Variants in PCDHA2 observed in about 807,000 individuals in gnomAD.
PCDHA2 encodes the protein protocadherin alpha-2.
In PCDHA2, 58 loss-of-function variants were observed where a neutral mutation model predicts 66.0. The ratio of observed to expected loss-of-function variants is 0.88; its 90% confidence interval spans 0.71 to 1.09. The LOEUF is 1.09. Ranked by LOEUF, PCDHA2 falls within the 50% of genes least tolerant of loss-of-function variation. The pLI is 0.00. For missense variants in PCDHA2, 1,267 were observed against 1,242.3 expected (o/e 1.02, Z -0.30); for synonymous variants, 634 against 554.0 (o/e 1.14, Z -2.03).
chr5:140,840,527 A>G (rs1776748487), intron 1 of PCDHA2, among the ~76,000 whole-genome samples: 1 of 152,080 alleles, frequency 6.6e-6, no homozygotes, highest in African/African-American at 2.4e-5. Context: ...AGAAAGATGA[A>G]GAACTAACAA....
intron 1 of PCDHA2, among the ~76,000 whole-genome samples, chr5:140,902,482 C>T (rs1554190466): frequency 1.3e-5 from 2 of 152,086 alleles, no homozygotes; most frequent in Non-Finnish European, 2.9e-5. Context: ...TTTGCCTGCT[C>T]AGTATGATAC....
rs2126655451 is a variant in PCDHA2, at chr5:140,814,449, CT to C, written c.2388+17109del. 833 of 141,266 alleles carry C rather than the reference CT, an allele frequency of 5.9e-3. 2 individuals are homozygous for C. The highest frequency in any genetic ancestry group is 0.014 in the African/African-American group (566 of 39,162). The allele number at this position is 141,266 out of a possible 1,614,324, so 8.8% of individuals were successfully genotyped here. A position where few individuals can be genotyped will look rare whatever the true frequency, so the allele number is the denominator to read the frequency against. ...AGGCTGTTTTGTGGTGACCTTTTTT[CT>C]TTTTTTTTTTTGAGTTAATGTATTT... On this transcript the variant is annotated intron_variant, in intron 1 of 3. Transcript: ENST00000526136.
intron 1 of PCDHA2, among the ~76,000 whole-genome samples, chr5:140,970,958 C>T (rs1554232904): frequency 6.6e-6 from 1 of 152,106 alleles, no homozygotes; most frequent in Non-Finnish European, 1.5e-5. Context: ...CCATGGGAGG[C>T]AGATTGTAGA....
intron 1 of PCDHA2, chr5:140,969,554 TC>T: frequency 8.2e-7 from 1 of 1,222,072 alleles, no homozygotes; most frequent in Non-Finnish European, 1.1e-6. Context: ...TGAAGCCTTG[TC>T]CATAAAATTG....
rs1554262937 is a variant in PCDHA2 at position 141,010,412 on chromosome 5, G to A, written c.*475G>A. 2.5e-6 allele frequency: 3 copies of A among 1,201,296 alleles called. No homozygotes were observed. Among genetic ancestry groups the A allele is most frequent in the Non-Finnish European group, 3.4e-6 (3 of 885,080 alleles). 74.4% of individuals were successfully genotyped at this position (1,201,296 alleles called of 1,614,324 possible). On this transcript the variant is annotated 3_prime_UTR_variant, in exon 4 of 4. Coordinates refer to ENST00000526136, the MANE Select transcript of PCDHA2 (RefSeq NM_018905.3). ...GAGACGAGCCAGCTTAGACTAATTG[G>A]TACAAGGAAGGCAAGAAAACAAAGA...
chr5:140,806,993 G>T, intron 1 of PCDHA2: 1 of 679,892 alleles, frequency 1.5e-6, no homozygotes, highest in Non-Finnish European at 2.4e-6. Context: ...GCCACATGAT[G>T]TCGCTCTTTA....
At chr5:140,950,343 A>C (rs1169343189) in intron 1 of PCDHA2, among the ~76,000 whole-genome samples, 9 of 151,988 alleles carry the variant, frequency 5.9e-5, no homozygotes, top group African/African-American at 2.2e-4. Context: ...GATTTATCTT[A>C]GTTTTCCTTT....
intron 3 of PCDHA2, among the ~76,000 whole-genome samples, chr5:141,007,395 C>CAAAAAAAAAAAAAAAAAA (rs35800918): frequency 1.1e-5 from 1 of 94,866 alleles, no homozygotes; most frequent in African/African-American, 4.3e-5. Context: ...TACTAAAATA[C>CAAAAAAAAAAAAAAAAAA]AAAAAAAAAA....
intron 1 of PCDHA2, chr5:140,850,770 T>A: frequency 6.3e-7 from 1 of 1,598,038 alleles, no homozygotes; most frequent in Non-Finnish European, 8.6e-7. Context: ...GCAGAGGGTG[T>A]GCTCTGGCGA....
At chr5:140,808,787 C>T (rs1764263030) in intron 1 of PCDHA2, 1 of 1,612,462 alleles carries the variant, frequency 6.2e-7, no homozygotes, top group African/African-American at 1.3e-5. Flanking sequence ...GCTGCAGTTT[C>T]AGGTGACCGC....
chr5:140,923,313 C>T (rs1428494241), intron 1 of PCDHA2, among the ~76,000 whole-genome samples: 1 of 152,074 alleles, frequency 6.6e-6, no homozygotes, highest in African/African-American at 2.4e-5. Flanking sequence ...GGGCGCTTGG[C>T]CTAGAAGTTC....
At chr5:140,876,483 G>T (rs373900620) in intron 1 of PCDHA2, 1 of 1,614,004 alleles carries the variant, frequency 6.2e-7, no homozygotes, top group Non-Finnish European at 8.5e-7. Flanking sequence ...GCATGGTCCT[G>T]GTGGAAGTTC....
At chr5:140,820,800 A>G (rs2150108039) in intron 1 of PCDHA2, among the ~76,000 whole-genome samples, 2 of 152,224 alleles carry the variant, frequency 1.3e-5, no homozygotes, top group South Asian at 2.1e-4. Context: ...AAAGGTATGT[A>G]TTTTACAATT....
rs2150241896 is a variant in PCDHA2 at position 140,835,685 on chromosome 5, T to A, written c.2388+38333T>A. ...CCGCGCGGGACGGGGGCTCGCCTTC[T>A]CTGTGGGCCACTGCTAGCGTGTCCG... On this transcript the variant is annotated intron_variant, in intron 1 of 3. Transcript: ENST00000526136. 6.8e-6 allele frequency: 11 copies of A among 1,613,764 alleles called. No individual in the cohort carries two copies. The East Asian group carries it at 1.8e-4, about 26-fold the overall frequency.
intron 3 of PCDHA2, among the ~76,000 whole-genome samples, chr5:140,994,117 G>C (rs889813029): frequency 6.6e-6 from 1 of 152,198 alleles, no homozygotes; most frequent in Non-Finnish European, 1.5e-5. Flanking sequence ...ATTGTCATGT[G>C]ATAAGGGCGA....
At chr5:140,828,728 A>G in intron 1 of PCDHA2, 2 of 1,614,238 alleles carry the variant, frequency 1.2e-6, no homozygotes, top group East Asian at 2.2e-5. Context: ...CTTATTCCTG[A>G]CAGCCACAGA....
chr5:140,808,955 G>C, intron 1 of PCDHA2: 1 of 1,613,590 alleles, frequency 6.2e-7, no homozygotes, highest in Non-Finnish European at 8.5e-7. Context: ...TGTGGGCCAC[G>C]TGGTGGCAAA....
At chr5:140,814,827 C>G (rs2126659222) in intron 1 of PCDHA2, 17 of 152,166 alleles carry the variant, frequency 1.1e-4, no homozygotes, top group Non-Finnish European at 2.2e-4. Context: ...CTATCTATTT[C>G]TCCATTTCTG....
intron 1 of PCDHA2, among the ~76,000 whole-genome samples, chr5:140,831,943 A>G (rs2150198508): frequency 2.0e-5 from 3 of 152,236 alleles, no homozygotes; most frequent in Non-Finnish European, 4.4e-5. Context: ...CCGAAGAGGA[A>G]AAGAAAAACT....
Sources: gnomAD v4.1 joint callset for allele counts (sites outside exome capture counted in the v4.1 genomes callset) on GRCh38, gnomAD v4.1.1 for gene constraint, MANE v1.5 for transcripts, NCBI Gene and HGNC (gene_info 2026-07-23, HGNC 2026-07-21) for gene names.